Variants in USP25 observed in about 807,000 individuals in gnomAD.
USP25 encodes ubiquitin specific peptidase 25.
Under a neutral mutation model 158.5 loss-of-function variants are expected in USP25, and 85 were observed. The ratio of observed to expected loss-of-function variants is 0.54; its 90% CI spans 0.45 to 0.64. The LOEUF (loss-of-function observed/expected upper bound fraction) is 0.64, where lower values mean the gene tolerates loss of function less well. USP25 is among the 30% of genes least tolerant of loss of function. The probability of loss-of-function intolerance (pLI) is 0.00; values close to 1 mark genes in which losing one functional copy is unlikely to be tolerated. For missense variants in USP25, 1,242 were observed against 1,327.3 expected, an observed-to-expected ratio of 0.94 and a Z score of 1.00; for synonymous variants, 464 against 460.4, an observed-to-expected ratio of 1.01 and a Z score of -0.10.
intron 4 of USP25, among the ~76,000 whole-genome samples, chr21:15,785,363 T>C (rs1003412072): frequency 5.3e-5 from 8 of 152,180 alleles, no homozygotes; most frequent in Non-Finnish European, 8.8e-5. Flanking sequence ...AGACTTAAAC[T>C]ACACCATGGA....
rs531692524 is a variant in USP25 at position 15,793,928 on chromosome 21, C to G, written c.555+2264C>G. On this transcript the variant is annotated intron_variant, in intron 5 of 25. Coordinates refer to ENST00000400183, the MANE Select transcript of USP25 (RefSeq NM_001283041.3). ...CTATAAACTGAGATATAATACTTGGCCATCATAAATTGACTTTTTACTTGT... is the reference window on the plus strand; with the variant it reads ...CTATAAACTGAGATATAATACTTGGGCATCATAAATTGACTTTTTACTTGT... 5.3e-5 allele frequency among the ~76,000 whole-genome samples: 8 copies of G among 151,652 alleles called. No homozygotes were observed. The East Asian group carries it at 1.6e-3, about 29-fold the overall frequency.
At chr21:15,815,501 T>TG (rs1187192122) in intron 9 of USP25, among the ~76,000 whole-genome samples, 2 of 152,120 alleles carry the variant, frequency 1.3e-5, no homozygotes, top group Non-Finnish European at 2.9e-5. Flanking sequence ...GGCTGTACCT[T>TG]GCAAAGCCAC....
chr21:15,838,832 T>C (rs906024325), intron 17 of USP25, among the ~76,000 whole-genome samples: 3 of 152,124 alleles, frequency 2.0e-5, no homozygotes, highest in Non-Finnish European at 4.4e-5. Flanking sequence ...GGTGGTAAAG[T>C]TGACCTTCTT....
At position 15,875,086 on chromosome 21, in the gene USP25, C is replaced by G. The variant is rs78212724; in HGVS notation, c.3009+560C>G. On this transcript the variant is annotated intron_variant, in intron 24 of 25. Transcript: ENST00000400183. The surrounding 1 kb of genome is among the most constrained non-coding windows in gnomAD (Gnocchi z 4.7). ...ACTCAGGAGGCTGAGGCAGGGGAAT[C>G]GCATGAACCTGGGAAGTGGAGGTTG... Among the ~76,000 whole-genome samples, 21,657 of 152,052 alleles carry G rather than the reference C, an allele frequency of 0.14. 1,538 individuals are homozygous for G. The highest frequency in any genetic ancestry group is 0.17 in the East Asian group (851 of 5,150).
chr21:15,849,889 C>A lies in USP25; in HGVS notation c.2547+17C>A. The A allele has an allele frequency of 7.0e-7, 1 of 1,437,262 alleles. No homozygotes were observed. The highest frequency in any genetic ancestry group is 1.4e-5 in the South Asian group (1 of 69,316). 89.0% of individuals were successfully genotyped at this position (1,437,262 alleles called of 1,614,324 possible). A position where few individuals can be genotyped will look rare whatever the true frequency, so the allele number is the denominator to read the frequency against. ...TTCTTTAAGGTACAATGAACATTTT[C>A]ATTTTCGTGTCTTTTCTTTTTCAAA... On this transcript the variant is annotated intron_variant, in intron 20 of 25. Coordinates refer to ENST00000400183, the MANE Select transcript of USP25 (RefSeq NM_001283041.3).
chr21:15,841,255 T>TC (rs1377781986), intron 17 of USP25, among the ~76,000 whole-genome samples: 1 of 152,174 alleles, frequency 6.6e-6, no homozygotes, highest in Non-Finnish European at 1.5e-5. Flanking sequence ...CAATTTTGTG[T>TC]CCCCCTGTTG....
intron 17 of USP25, among the ~76,000 whole-genome samples, chr21:15,839,148 T>G (rs1227101819): frequency 2.0e-5 from 3 of 152,164 alleles, no homozygotes; most frequent in African/African-American, 7.2e-5. Flanking sequence ...TGCATTTAAA[T>G]TTTTTGTTTG....
At chr21:15,821,302 T>A (rs1360840083) in intron 10 of USP25, among the ~76,000 whole-genome samples, 2 of 151,998 alleles carry the variant, frequency 1.3e-5, no homozygotes, top group Non-Finnish European at 2.9e-5. Flanking sequence ...CTACATAGTG[T>A]CACATAGTCT....
Position 15,802,857 on chromosome 21 carries a change from A to C in USP25, c.643-2264A>C, listed in dbSNP as rs539638771. 2.6e-5 allele frequency among the ~76,000 whole-genome samples: 4 copies of C among 151,792 alleles called. No homozygotes were observed. The South Asian group carries it at 8.3e-4, about 32-fold the overall frequency. On this transcript the variant is annotated intron_variant, in intron 6 of 25. Coordinates refer to ENST00000400183, the MANE Select transcript of USP25 (RefSeq NM_001283041.3). ...AGAAAAACAATACAGAAAATTATGG[A>C]ACCAAAAACTGCTTCTTGAGAAGAT...
At chr21:15,744,364 T>G (rs980222738) in intron 1 of USP25, 5 of 152,434 alleles carry the variant, frequency 3.3e-5, no homozygotes, top group African/African-American at 1.2e-4. Context: ...TCTCACCGTG[T>G]CACCCAGGCT....
chr21:15,827,765 C>CAT (rs1555849273), intron 14 of USP25, among the ~76,000 whole-genome samples: 2 of 136,810 alleles, frequency 1.5e-5, no homozygotes, highest in Admixed American at 7.3e-5. Flanking sequence ...TGTGCGTGTG[C>CAT]GTGTGTGTGT....
chr21:15,808,933 T>C (rs377746653), intron 8 of USP25, 48 bp downstream of exon 8: 2 of 1,295,860 alleles, frequency 1.5e-6, no homozygotes, highest in African/African-American at 1.5e-5. Context: ...ATTCATTAGA[T>C]AGCATGTATT....
At chr21:15,869,227 A>C (rs895786530) in intron 22 of USP25, among the ~76,000 whole-genome samples, 2 of 151,162 alleles carry the variant, frequency 1.3e-5, no homozygotes, top group Admixed American at 6.6e-5. Flanking sequence ...CAGACTGGGC[A>C]ACTGAGTGAG....
At position 15,792,220 on chromosome 21, in the gene USP25, A is replaced by G. The variant is rs116691460; in HGVS notation, c.555+556A>G. Among the ~76,000 whole-genome samples, 232 of 151,810 alleles carry G rather than the reference A, an allele frequency of 1.5e-3. 2 individuals are homozygous for G. The highest frequency in any genetic ancestry group is 5.4e-3 in the African/African-American group (226 of 41,498). ...TTTTACTAAGAAATCCCTTAATGAT[A>G]CATTTCTTGATCTGCTTATTCTAAA... On this transcript the variant is annotated intron_variant, in intron 5 of 25. Transcript: ENST00000400183.
rs1449017903 is a variant in USP25 at position 15,878,519 on chromosome 21, T to A, written c.*44T>A. The A allele has an allele frequency of 6.4e-7, 1 of 1,553,612 alleles. No individual in the cohort carries two copies. The highest frequency in any genetic ancestry group is 1.9e-5 in the Admixed American group (1 of 52,456). On this transcript the variant is annotated 3_prime_UTR_variant, in exon 26 of 26. Coordinates refer to ENST00000400183, the MANE Select transcript of USP25 (RefSeq NM_001283041.3). Reference sequence around the variant, plus strand: ...ACACACTGTATAAACTCTTTTTAGTTCTTAACCCTTGCCTTCCTGTCACAG... The same window carrying A: ...ACACACTGTATAAACTCTTTTTAGTACTTAACCCTTGCCTTCCTGTCACAG...
intron 4 of USP25, among the ~76,000 whole-genome samples, chr21:15,781,453 A>T (rs965317939): frequency 6.6e-6 from 1 of 152,226 alleles, no homozygotes; most frequent in African/African-American, 2.4e-5. Context: ...GGCTAAAATT[A>T]AAAAGACTGA....
intron 20 of USP25, among the ~76,000 whole-genome samples, chr21:15,860,792 G>A (rs1029689543): frequency 1.3e-5 from 2 of 151,942 alleles, no homozygotes; most frequent in Non-Finnish European, 2.9e-5. Context: ...AGACTTAGAA[G>A]ATTATGTGCC....
At chr21:15,804,214 A>G (rs1472280083) in intron 6 of USP25, among the ~76,000 whole-genome samples, 4 of 151,828 alleles carry the variant, frequency 2.6e-5, no homozygotes, top group Non-Finnish European at 5.9e-5. Context: ...ATGAGCCAGT[A>G]AGAATTGAAT....
At position 15,804,371 on chromosome 21, in the gene USP25, TAAATTAATA is replaced by T. The variant is rs904895013; in HGVS notation, c.643-742_643-734del. 1.8e-4 allele frequency among the ~76,000 whole-genome samples: 28 copies of T among 151,516 alleles called. 1 individual carries two copies. Among genetic ancestry groups the T allele is most frequent in the Admixed American group, 1.7e-3 (26 of 15,202 alleles). The stretch of plus-strand genomic sequence containing the variant: ...TCCTATTAGGATCTGGTCTAATTAT[TAAATTAATA>T]AAATTAAATAAATTTAAATATTGTG... On this transcript the variant is annotated intron_variant, in intron 6 of 25. Coordinates refer to ENST00000400183, the MANE Select transcript of USP25 (RefSeq NM_001283041.3).
Sources: allele counts gnomAD v4.1 joint callset (sites outside exome capture counted in the v4.1 genomes callset), GRCh38; gene constraint gnomAD v4.1.1; non-coding constraint Gnocchi (gnomAD v3.1); transcripts MANE v1.5; gene names NCBI Gene and HGNC (gene_info 2026-07-23, HGNC 2026-07-21).